Variants in PCDH11Y observed in about 807,000 individuals in gnomAD.
PCDH11Y encodes protocadherin 11 Y-linked, also known as protocadherin-11 Y-linked.
For synonymous variants in PCDH11Y, 9 were observed against 83.6 expected (o/e 0.11, Z 4.87); for missense variants, 12 against 224.8 (o/e 0.05, Z 6.05).
At chrY:5,724,462 C>T (rs2053597287) in intron 4 of PCDH11Y, among the ~76,000 whole-genome samples, 1 of 33,466 alleles carries the variant, frequency 3.0e-5, no homozygotes, top group African/African-American at 1.2e-4. Flanking sequence ...GATGTCCATA[C>T]TTACCACTTC....
At chrY:5,304,309 C>T in intron 2 of PCDH11Y, among the ~76,000 whole-genome samples, 1 of 33,260 alleles carries the variant, frequency 3.0e-5, no homozygotes, top group African/African-American at 1.2e-4. Flanking sequence ...CTTCATAGAA[C>T]ATGACTACTT....
At chrY:5,440,758 T>TATATATAG (rs2053280448) in intron 2 of PCDH11Y, among the ~76,000 whole-genome samples, 1 of 14,479 alleles carries the variant, frequency 6.9e-5, no homozygotes. Flanking sequence ...TATATATATA[T>TATATATAG]AGAGAGAGAG....
intron 2 of PCDH11Y, among the ~76,000 whole-genome samples, chrY:5,192,152 T>C: frequency 6.4e-5 from 2 of 31,377 alleles, no homozygotes; most frequent in African/African-American, 2.5e-4. Context: ...TGAGGTGGAA[T>C]AGTTTCATCC....
chrY:5,373,745 TACACACACACACAC>T (rs369088178), intron 2 of PCDH11Y, among the ~76,000 whole-genome samples: 9 of 23,685 alleles, frequency 3.8e-4, no homozygotes, highest in Non-Finnish European at 4.9e-4. Context: ...TGTGTATATA[TACACACACACACAC>T]ACACACACAC....
At chrY:5,218,283 A>G in intron 2 of PCDH11Y, among the ~76,000 whole-genome samples, 1 of 32,826 alleles carries the variant, frequency 3.0e-5, no homozygotes, top group African/African-American at 1.2e-4. Context: ...CAGGGCCTGA[A>G]AATCTGCAGG....
intron 2 of PCDH11Y, among the ~76,000 whole-genome samples, chrY:5,135,478 T>G: frequency 1.2e-4 from 4 of 33,225 alleles, no homozygotes; most frequent in Non-Finnish European, 2.2e-4. Context: ...GCCAACTGCA[T>G]GAGAGCTGGG....
chrY:5,303,255 T>A, intron 2 of PCDH11Y, among the ~76,000 whole-genome samples: 1 of 32,144 alleles, frequency 3.1e-5, no homozygotes, highest in African/African-American at 1.2e-4. Flanking sequence ...GTGTTAAGCC[T>A]TACTCATTTT....
chrY:5,538,286 T>C, intron 3 of PCDH11Y, among the ~76,000 whole-genome samples: 2 of 33,696 alleles, frequency 5.9e-5, no homozygotes, highest in Non-Finnish European at 1.5e-4. Flanking sequence ...TTGATTGCTA[T>C]TGGGAAAACA....
In PCDH11Y at chrY:5,466,699, C is replaced by T. The variant is rs1602929534; in HGVS notation, c.3130-34358C>T. On this transcript the variant is annotated intron_variant, in intron 2 of 4. Transcript: ENST00000400457. ...AAATTCAGCATCATAGAGCTGTAAACGCCTTGATAAATGTGAGGTCAATCA... is the reference window on the plus strand; with the variant it reads ...AAATTCAGCATCATAGAGCTGTAAATGCCTTGATAAATGTGAGGTCAATCA... Among the ~76,000 whole-genome samples the T allele has an allele frequency of 2.1e-4, 7 of 32,713 alleles. No individual in the cohort carries two copies. In the East Asian group the frequency reaches 4.8e-3, roughly 23 times the overall value. 87.8% of individuals were successfully genotyped at this position (32,713 alleles called of 37,273 possible).
At chrY:5,105,195 T>G, downstream of PCDH11Y, 1 of 147,425 alleles carries the variant, frequency 6.8e-6, no homozygotes, top group Non-Finnish European at 8.4e-6. Context: ...TGAGCCGAGA[T>G]GGCGCCACTG....
At chrY:5,687,861 A>G in intron 4 of PCDH11Y, among the ~76,000 whole-genome samples, 1 of 32,630 alleles carries the variant, frequency 3.1e-5, no homozygotes, top group Non-Finnish European at 7.5e-5. Context: ...TTTAAATACT[A>G]TTTATTCACT....
chrY:5,280,958 T>C (rs2124660741), intron 2 of PCDH11Y, among the ~76,000 whole-genome samples: 1 of 33,164 alleles, frequency 3.0e-5, no homozygotes, highest in Admixed American at 2.8e-4. Context: ...TAAAATTGTT[T>C]GTGTGGTTTT....
At chrY:5,277,811 C>T in intron 2 of PCDH11Y, among the ~76,000 whole-genome samples, 1 of 32,753 alleles carries the variant, frequency 3.1e-5, no homozygotes, top group South Asian at 6.8e-4. Context: ...TACTGGCATA[C>T]GAATACAGGC....
chrY:5,231,629 C>T, intron 2 of PCDH11Y, among the ~76,000 whole-genome samples: 1 of 31,914 alleles, frequency 3.1e-5, no homozygotes, highest in Non-Finnish European at 7.6e-5. Context: ...CATTTAAGAC[C>T]CACTATAACT....
chrY:5,232,926 G>A, intron 2 of PCDH11Y, among the ~76,000 whole-genome samples: 1 of 32,089 alleles, frequency 3.1e-5, no homozygotes, highest in Non-Finnish European at 7.6e-5. Flanking sequence ...TGTGGGCGGG[G>A]GTCAGCTGAA....
At chrY:5,703,845 T>A in intron 4 of PCDH11Y, among the ~76,000 whole-genome samples, 1 of 26,850 alleles carries the variant, frequency 3.7e-5, no homozygotes, top group East Asian at 8.3e-4. Flanking sequence ...ATTCTCTTTT[T>A]TTCCTTTTTT....
At chrY:5,637,215 C>A (rs2053518655) in intron 4 of PCDH11Y, among the ~76,000 whole-genome samples, 1 of 33,482 alleles carries the variant, frequency 3.0e-5, no homozygotes, top group Non-Finnish European at 7.4e-5. Context: ...AGATTAATCT[C>A]AAAATTGATG....
chrY:5,487,142 A>T, intron 2 of PCDH11Y, among the ~76,000 whole-genome samples: 2 of 30,933 alleles, frequency 6.5e-5, no homozygotes. Context: ...CTAGTTAAAG[A>T]TTATTGCATA....
chrY:5,720,488 G>A, intron 4 of PCDH11Y, among the ~76,000 whole-genome samples: 1 of 26,501 alleles, frequency 3.8e-5, no homozygotes. Flanking sequence ...TAATTAAAAC[G>A]CTAATACATT....
Sources: gnomAD v4.1 joint callset for allele counts (sites outside exome capture counted in the v4.1 genomes callset) on GRCh38, gnomAD v4.1.1 for gene constraint, MANE v1.5 for transcripts, NCBI Gene and HGNC (gene_info 2026-07-23, HGNC 2026-07-21) for gene names.